The following HPS1 variants were observed in gnomAD, a reference collection of about 807,000 sequenced individuals.
HPS1 encodes HPS1 biogenesis of lysosomal organelles complex 3 subunit 1.
A neutral mutation model predicts 90.6 loss-of-function variants in HPS1; 59 were observed. The observed-to-expected ratio is 0.65, with a 90% confidence interval of 0.53 to 0.81. The LOEUF (loss-of-function observed/expected upper bound fraction) is 0.81, where lower values mean the gene tolerates loss of function less well. HPS1 is among the 30% of genes least tolerant of loss of function. The probability of loss-of-function intolerance (pLI) is 0.00; values close to 1 mark genes in which losing one functional copy is unlikely to be tolerated. For synonymous variants in HPS1, 388 were observed against 384.4 expected (o/e 1.01, Z -0.11); for missense variants, 849 against 896.7 (o/e 0.95, Z 0.68).
intron 3 of HPS1, chr10:98,442,873 ACTT>A (rs1311600747): frequency 1.2e-5 from 6 of 520,358 alleles, no homozygotes; most frequent in Non-Finnish European, 1.7e-5. Flanking sequence ...ATAAAATTCG[ACTT>A]CTTCTTGCCC....
At chr10:98,423,221 G>GTGCAC (rs1845121663) in intron 16 of HPS1, among the ~76,000 whole-genome samples, 1 of 151,968 alleles carries the variant, frequency 6.6e-6, no homozygotes, top group African/African-American at 2.4e-5. Context: ...ACATGCCACT[G>GTGCAC]TGCACTGTCA....
chr10:98,422,326 T>G (rs749224747), intron 17 of HPS1, 43 bp downstream of exon 17: 2 of 1,607,484 alleles, frequency 1.2e-6, no homozygotes, highest in South Asian at 2.2e-5. Flanking sequence ...TACCCAATAT[T>G]GGCTGAGGCC....
At chr10:98,434,166 A>G (rs1846952496) in intron 5 of HPS1, 75 bp from the exon 6 acceptor site, 3 of 1,440,298 alleles carry the variant, frequency 2.1e-6, no homozygotes, top group Non-Finnish European at 2.8e-6. Context: ...AAAGGACCAC[A>G]GTCTCAGCTC....
In HPS1 at chr10:98,418,400, G is replaced by C. The variant is rs1844399971; in HGVS notation, c.1858-143C>G. ...GCCTGGACCTTGTTTTTTCATCTTT[G>C]AAGTCAGAATGACAACAGTCACCTT... On this transcript the variant is annotated intron_variant, in intron 18 of 19. Coordinates refer to ENST00000361490, the MANE Select transcript of HPS1 (RefSeq NM_000195.5). 6 of 513,088 alleles carry C rather than the reference G, an allele frequency of 1.2e-5. No homozygotes were observed. The South Asian group carries it at 2.1e-4, about 18-fold the overall frequency. 31.8% of individuals were successfully genotyped at this position (513,088 alleles called of 1,614,324 possible). A position where few individuals can be genotyped will look rare whatever the true frequency, so the allele number is the denominator to read the frequency against.
At chr10:98,420,023 C>T in intron 18 of HPS1, 22 bp downstream of exon 18, 1 of 1,481,008 alleles carries the variant, frequency 6.8e-7, no homozygotes, top group South Asian at 1.1e-5. Context: ...CCGTCCTGGC[C>T]CAGGGACTCA....
intron 12 of HPS1, 34 bp from the exon 13 acceptor site, chr10:98,425,754 G>A: frequency 6.3e-7 from 1 of 1,599,224 alleles, no homozygotes; most frequent in Non-Finnish European, 8.5e-7. Context: ...GGTGAACGGG[G>A]CTGCCCCTGG....
rs1165879179 is a variant in HPS1 at position 98,420,239 on chromosome 10, G to A, written c.1744-81C>T. 1.4e-5 allele frequency: 14 copies of A among 1,016,926 alleles called. No homozygotes were observed. The Admixed American group carries it at 2.2e-4, about 16-fold the overall frequency. The allele number at this position is 1,016,926 out of a possible 1,614,324, so 63.0% of individuals were successfully genotyped here. A position where few individuals can be genotyped will look rare whatever the true frequency, so the allele number is the denominator to read the frequency against. ...CTCTCACCTCCGAAGGAAGGAAAGG[G>A]CACAGCCGAGAAGCTCCGTGAGTGC... On this transcript the variant is annotated intron_variant, in intron 17 of 19. Coordinates refer to ENST00000361490, the MANE Select transcript of HPS1 (RefSeq NM_000195.5).
Position 98,423,829 on chromosome 10 carries a change from A to C in HPS1, c.1456T>G (p.Phe486Val). 5.0e-6 allele frequency: 8 copies of C among 1,613,978 alleles called. No individual in the cohort carries two copies. Among genetic ancestry groups the C allele is most frequent in the Non-Finnish European group, 5.9e-6 (7 of 1,180,042 alleles). The change falls in exon 15 of 20, where the codon TTT (phenylalanine) becomes GTT (valine). Residue 486 changes from phenylalanine to valine, a missense_variant. Transcript: ENST00000361490. ...CCCCTGCTGGGGGCTGTGGTCAGAA[A>C]GTTCAGCCGGTAGATGGCGCAGAGC... ...RQLCAIYRLNFLTTAPSRGGP... is the reference protein window; with the variant it reads ...RQLCAIYRLNVLTTAPSRGGP...
chr10:98,433,859 A>C (rs1258236977), intron 6 of HPS1, 124 bp downstream of exon 6: 1 of 1,379,946 alleles, frequency 7.2e-7, no homozygotes, highest in Non-Finnish European at 9.9e-7. Context: ...ACTCTCTCTG[A>C]ATACACGAGT....
Position 98,420,353 on chromosome 10 carries a change from C to A in HPS1, c.1744-195G>T, listed in dbSNP as rs553361879. On this transcript the variant is annotated intron_variant, in intron 17 of 19. Coordinates refer to ENST00000361490, the MANE Select transcript of HPS1 (RefSeq NM_000195.5). Reference sequence around the variant, plus strand: ...ATTATTGGATGGATGGACTACCCTCCAGTTAGCGTGGGGGCAAAATATATG... The same window carrying A: ...ATTATTGGATGGATGGACTACCCTCAAGTTAGCGTGGGGGCAAAATATATG... The A allele has an allele frequency of 6.8e-5, 41 of 600,972 alleles. No individual in the cohort carries two copies. The African/African-American group carries it at 7.6e-4, about 11-fold the overall frequency. The allele number at this position is 600,972 out of a possible 1,614,324, so 37.2% of individuals were successfully genotyped here.
intron 8 of HPS1, among the ~76,000 whole-genome samples, chr10:98,430,351 G>A (rs1846253019): frequency 6.6e-6 from 1 of 152,146 alleles, no homozygotes; most frequent in Non-Finnish European, 1.5e-5. Context: ...AACCATGGCT[G>A]ACTTGAAAAA....
At chr10:98,431,733 G>A (rs1846504038) in intron 6 of HPS1, among the ~76,000 whole-genome samples, 1 of 152,022 alleles carries the variant, frequency 6.6e-6, no homozygotes, top group Non-Finnish European at 1.5e-5. Flanking sequence ...GCCATGAGAT[G>A]GGGACAGAGT....
intron 3 of HPS1, among the ~76,000 whole-genome samples, chr10:98,439,957 A>G (rs565231029): frequency 5.2e-4 from 79 of 152,194 alleles, no homozygotes; most frequent in African/African-American, 1.7e-3. Flanking sequence ...TAATGGTTTT[A>G]TAAGAGGCTC....
rs1347895676 is a variant in HPS1, at chr10:98,443,111, A to G, written c.117+13T>C. The G allele has an allele frequency of 1.3e-6, 2 of 1,565,756 alleles. No homozygotes were observed. The highest frequency in any genetic ancestry group is 2.2e-5 in the East Asian group (1 of 44,602). On this transcript the variant is annotated intron_variant, in intron 3 of 19. Transcript: ENST00000361490. ...CTATCCACCCCTCCTGGGACTGCCT[A>G]CCCTGCACTCACCTCTTCTTCCTCA...
rs764042646 is a variant in HPS1, at chr10:98,426,023, C to A, written c.988-38G>T. 2.9e-5 allele frequency: 47 copies of A among 1,594,672 alleles called. No individual in the cohort carries two copies. In the South Asian group the frequency reaches 5.0e-4, roughly 17 times the overall value. On this transcript the variant is annotated intron_variant, in intron 11 of 19. Transcript: ENST00000361490. ...AAGAGCTGCAGTGAGAGGTGGGATCCCTAAGTTGGACCCACCCATTGCGGC... is the reference window on the plus strand; with the variant it reads ...AAGAGCTGCAGTGAGAGGTGGGATCACTAAGTTGGACCCACCCATTGCGGC...
chr10:98,429,519 T>C, intron 10 of HPS1, 54 bp downstream of exon 10: 1 of 1,613,706 alleles, frequency 6.2e-7, no homozygotes, highest in Non-Finnish European at 8.5e-7. Flanking sequence ...TGTCCTGGGC[T>C]GCCTGTCGCT....
chr10:98,426,792 A>T (rs920563001), intron 11 of HPS1, among the ~76,000 whole-genome samples: 3 of 151,866 alleles, frequency 2.0e-5, no homozygotes, highest in Non-Finnish European at 4.4e-5. Flanking sequence ...AGTCATAGGA[A>T]AAAAAGACTA....
downstream of HPS1, chr10:98,415,178 C>T (rs957182870): frequency 9.4e-6 from 15 of 1,600,266 alleles, no homozygotes; most frequent in African/African-American, 1.3e-4. Flanking sequence ...AGTTTGCTAG[C>T]GATTGGCTTT....
chr10:98,444,023 C>T (rs1282423202), intron 2 of HPS1, among the ~76,000 whole-genome samples: 4 of 149,846 alleles, frequency 2.7e-5, no homozygotes, highest in East Asian at 2.0e-4. Context: ...GGTGACAGAG[C>T]GAGACTCTGT....
Sources: gnomAD v4.1 joint callset for allele counts (sites outside exome capture counted in the v4.1 genomes callset) on GRCh38, gnomAD v4.1.1 for gene constraint, MANE v1.5 for transcripts, NCBI Gene and HGNC (gene_info 2026-07-23, HGNC 2026-07-21) for gene names.